The following VSX2 variants were observed in gnomAD, a reference collection of about 807,000 sequenced individuals.
VSX2 encodes ceh-10 homeo domain containing homolog.
Under a neutral mutation model 32.1 loss-of-function variants are expected in VSX2, and 28 were observed. The observed-to-expected ratio is 0.87, with a 90% CI of 0.65 to 1.20. The LOEUF (loss-of-function observed/expected upper bound fraction) is 1.20. Ranked by LOEUF, VSX2 falls within the 50% of genes most tolerant of loss-of-function variation. The pLI, the probability that VSX2 is intolerant of heterozygous loss-of-function variation, is 0.00. For synonymous variants in VSX2, 243 were observed against 214.1 expected (o/e 1.14, Z -1.18); for missense variants, 506 against 488.7 (o/e 1.04, Z -0.33).
intron 1 of VSX2, among the ~76,000 whole-genome samples, chr14:74,240,252 G>C (rs550904894): frequency 7.7e-4 from 117 of 152,296 alleles, no homozygotes; most frequent in African/African-American, 2.7e-3. Flanking sequence ...GTGCAGAGTC[G>C]CCGGCCGTGT....
intron 3 of VSX2, among the ~76,000 whole-genome samples, chr14:74,252,681 G>A (rs1265816866): frequency 2.6e-5 from 4 of 151,790 alleles, no homozygotes; most frequent in Admixed American, 2.0e-4. Context: ...GAGCCACTGC[G>A]CTTGGCCAAC....
chr14:74,251,733 T>A (rs544149190), intron 3 of VSX2, among the ~76,000 whole-genome samples: 35 of 152,312 alleles, frequency 2.3e-4, no homozygotes, highest in South Asian at 8.3e-4. Context: ...TAACAGAGGC[T>A]GCAGCAAGAC....
intron 3 of VSX2, among the ~76,000 whole-genome samples, chr14:74,246,570 T>A (rs1860716): frequency 0.71 from 107,849 of 152,192 alleles, 41,288 homozygotes; most frequent in Admixed American, 0.84. Flanking sequence ...ATTGGGTTCT[T>A]GTGAGGTAAG....
intron 2 of VSX2, among the ~76,000 whole-genome samples, chr14:74,243,801 A>G (rs2079167173): frequency 1.3e-5 from 2 of 151,962 alleles, no homozygotes; most frequent in Non-Finnish European, 2.9e-5. Flanking sequence ...CCCCCGAGAT[A>G]TTAAAGTGGA....
intron 1 of VSX2, 116 bp downstream of exon 1, chr14:74,240,047 G>C: frequency 7.3e-7 from 1 of 1,377,298 alleles, no homozygotes; most frequent in Non-Finnish European, 9.7e-7. Flanking sequence ...CTGCCAGGCC[G>C]GGGGTCGCCG....
chr14:74,240,653 T>C (rs2079143222), intron 1 of VSX2, among the ~76,000 whole-genome samples: 1 of 152,190 alleles, frequency 6.6e-6, no homozygotes, highest in African/African-American at 2.4e-5. Flanking sequence ...TTTACTTTGT[T>C]TTACGTGGAA....
In VSX2 at chr14:74,241,269, G is replaced by T. The variant is rs374857946; in HGVS notation, c.455+3G>T. The T allele has an allele frequency of 3.3e-5, 53 of 1,612,472 alleles. No homozygotes were observed. Among genetic ancestry groups the T allele is most frequent in the Non-Finnish European group, 3.4e-6 (4 of 1,179,950 alleles). On this transcript the variant is annotated splice_donor_region_variant and intron_variant, in intron 2 of 4. Transcript: ENST00000261980. ...AAACGGAAGAAGCGGCGACACAGGT[G>T]AGGCCCCCGCTTTCTGTTACCTCTC...
At chr14:74,241,128 G>T in intron 1 of VSX2, 54 bp from the exon 2 acceptor site, 1 of 1,586,588 alleles carries the variant, frequency 6.3e-7, no homozygotes, top group African/African-American at 1.3e-5. Context: ...CGGGTTTCGG[G>T]CACAGCGGAG....
intron 3 of VSX2, among the ~76,000 whole-genome samples, chr14:74,257,716 A>AC (rs1198011499): frequency 3.7e-4 from 52 of 139,920 alleles, no homozygotes; most frequent in East Asian, 1.2e-3. Context: ...ACCACCCCCC[A>AC]CCCACTTCCC....
chr14:74,260,536 G>A, intron 4 of VSX2, 58 bp from the exon 5 acceptor site: 3 of 1,531,578 alleles, frequency 2.0e-6, no homozygotes, highest in Non-Finnish European at 1.8e-6. Context: ...GCCGTTTTCA[G>A]TTCAAGATGG....
Position 74,261,135 on chromosome 14 carries a change from A to C in VSX2, c.*216A>C. ...CTCATCTAGTCTTGACCTCTCCAGCATCCCAGCCTCAGAAGCCTTCTTGCT... is the reference window on the plus strand; with the variant it reads ...CTCATCTAGTCTTGACCTCTCCAGCCTCCCAGCCTCAGAAGCCTTCTTGCT... On this transcript the variant is annotated 3_prime_UTR_variant, in exon 5 of 5. Transcript: ENST00000261980. The C allele has an allele frequency of 1.7e-6, 1 of 589,690 alleles. No individual in the cohort carries two copies. Among genetic ancestry groups the C allele is most frequent in the South Asian group, 2.2e-5 (1 of 44,600 alleles). 36.5% of individuals were successfully genotyped at this position (589,690 alleles called of 1,614,324 possible).
chr14:74,256,476 T>G (rs138473754), intron 3 of VSX2, among the ~76,000 whole-genome samples: 2 of 152,204 alleles, frequency 1.3e-5, no homozygotes, highest in East Asian at 3.9e-4. Context: ...AATAAGTTTT[T>G]GCACCAACCT....
chr14:74,249,040 T>C (rs2079213350), intron 3 of VSX2, among the ~76,000 whole-genome samples: 1 of 152,180 alleles, frequency 6.6e-6, no homozygotes, highest in African/African-American at 2.4e-5. Flanking sequence ...AAGTCTACTG[T>C]CTGATGTCTG....
intron 2 of VSX2, among the ~76,000 whole-genome samples, chr14:74,244,919 T>TGAGAGA (rs1178977213): frequency 7.3e-5 from 3 of 41,186 alleles, no homozygotes; most frequent in African/African-American, 1.6e-4. Context: ...TGTGTGTGTG[T>TGAGAGA]GTGTGTGTGT....
intron 3 of VSX2, among the ~76,000 whole-genome samples, chr14:74,259,123 T>A (rs182480214): frequency 6.6e-6 from 1 of 152,274 alleles, no homozygotes; most frequent in African/African-American, 2.4e-5. Flanking sequence ...TTGTCCCTGA[T>A]CCCTCACTCA....
chr14:74,250,155 T>G (rs2079219458), intron 3 of VSX2, among the ~76,000 whole-genome samples: 1 of 151,988 alleles, frequency 6.6e-6, no homozygotes, highest in Non-Finnish European at 1.5e-5. Flanking sequence ...GAGGATTACT[T>G]GAGTCCAGGA....
At chr14:74,254,537 G>T (rs1270652249) in intron 3 of VSX2, among the ~76,000 whole-genome samples, 1 of 152,170 alleles carries the variant, frequency 6.6e-6, no homozygotes, top group South Asian at 2.1e-4. Flanking sequence ...ACAGCCAAAG[G>T]CTGGATCTTT....
intron 3 of VSX2, 99 bp from the exon 4 acceptor site, chr14:74,259,503 C>G: frequency 6.7e-7 from 1 of 1,491,844 alleles, no homozygotes. Context: ...GTTAAGGACG[C>G]CCTGCTGGAG....
At chr14:74,241,000 C>T (rs2079146404) in intron 1 of VSX2, among the ~76,000 whole-genome samples, 182 bp from the exon 2 acceptor site, 1 of 152,158 alleles carries the variant, frequency 6.6e-6, no homozygotes, top group African/African-American at 2.4e-5. Flanking sequence ...CGGGCCCCGG[C>T]GCGGGAGAGG....
Sources: allele counts gnomAD v4.1 joint callset (sites outside exome capture counted in the v4.1 genomes callset), GRCh38; gene constraint gnomAD v4.1.1; transcripts MANE v1.5; gene names NCBI Gene and HGNC (gene_info 2026-07-23, HGNC 2026-07-21).